Variants in SYCP1 observed in about 807,000 individuals in gnomAD.
SYCP1 encodes the protein synaptonemal complex protein 1.
In SYCP1, 64 loss-of-function variants were observed where a neutral mutation model predicts 153.1. That is an observed-to-expected ratio of 0.42 (90% CI 0.34 to 0.51). SYCP1 has a LOEUF of 0.51. Among genes scored for constraint, SYCP1 ranks in the 20% least tolerant of loss-of-function variants. SYCP1 has a pLI of 0.06. For synonymous variants in SYCP1, 384 were observed against 341.8 expected (o/e 1.12, Z -1.36); for missense variants, 997 against 1,049.0 (o/e 0.95, Z 0.68).
Position 114,856,608 on chromosome 1 carries a change from T to A in SYCP1, c.144T>A (p.Phe48Leu), listed in dbSNP as rs1663956646. Residue 48 changes from phenylalanine to leucine, a missense_variant, in exon 3 of 32, where the codon TTT (phenylalanine) becomes TTA (leucine). Physicochemically the swap from Phe to Leu is conservative, Grantham distance 22 (BLOSUM62 0). Transcript: ENST00000369522. ...AATGTACTGAAGATGATTTTGAGTT[T>A]CCATTTGCAAAGACTAATCTCTCCA... Reference protein sequence around the residue: ...FNKCTEDDFEFPFAKTNLSKN... With the variant: ...FNKCTEDDFELPFAKTNLSKN... 9.9e-6 allele frequency: 16 copies of A among 1,612,066 alleles called. No homozygotes were observed. Among genetic ancestry groups the A allele is most frequent in the Non-Finnish European group, 1.2e-5 (14 of 1,179,258 alleles).
intron 23 of SYCP1, among the ~76,000 whole-genome samples, chr1:114,932,585 A>G (rs561658222): frequency 6.6e-6 from 1 of 152,306 alleles, no homozygotes; most frequent in Non-Finnish European, 1.5e-5. Flanking sequence ...ACAGAGCGTG[A>G]GCTGAAGCAG....
intron 23 of SYCP1, 117 bp from the exon 24 acceptor site, chr1:114,944,222 C>A: frequency 1.6e-6 from 1 of 606,480 alleles, no homozygotes; most frequent in Non-Finnish European, 2.9e-6. Flanking sequence ...GTGATCCAAC[C>A]TAATTTCCAT....
At chr1:114,895,226 A>G (rs905386565) in intron 15 of SYCP1, among the ~76,000 whole-genome samples, 1 of 152,048 alleles carries the variant, frequency 6.6e-6, no homozygotes, top group African/African-American at 2.4e-5. Context: ...ACTTTGGGTT[A>G]TTTGGCAATG....
At chr1:114,938,856 G>A (rs1570812460) in intron 23 of SYCP1, among the ~76,000 whole-genome samples, 1 of 151,990 alleles carries the variant, frequency 6.6e-6, no homozygotes. Context: ...AAAATCTCAT[G>A]AGATATTACC....
intron 11 of SYCP1, among the ~76,000 whole-genome samples, chr1:114,877,084 T>C (rs1368758322): frequency 2.6e-5 from 4 of 152,148 alleles, no homozygotes; most frequent in Admixed American, 2.6e-4. Flanking sequence ...ATATATTATT[T>C]TGTGAGAACT....
At chr1:114,911,686 A>T in intron 18 of SYCP1, 104 bp downstream of exon 18, 1 of 490,510 alleles carries the variant, frequency 2.0e-6, no homozygotes, top group Non-Finnish European at 3.0e-6. Flanking sequence ...ATTTGAATGG[A>T]TTTGAAATTG....
intron 27 of SYCP1, among the ~76,000 whole-genome samples, chr1:114,976,485 G>C (rs905320608): frequency 3.3e-5 from 5 of 151,770 alleles, no homozygotes; most frequent in African/African-American, 1.2e-4. Context: ...TATTAGAAGA[G>C]ACTTTACCAA....
At chr1:114,864,921 G>A (rs1227246686) in intron 8 of SYCP1, among the ~76,000 whole-genome samples, 1 of 151,942 alleles carries the variant, frequency 6.6e-6, no homozygotes, top group Non-Finnish European at 1.5e-5. Flanking sequence ...GTGCAGGTTA[G>A]TTACATATGT....
At chr1:114,914,103 T>C (rs943118520) in intron 20 of SYCP1, 58 bp downstream of exon 20, 1 of 1,317,964 alleles carries the variant, frequency 7.6e-7, no homozygotes, top group Non-Finnish European at 1.0e-6. Context: ...ATTTCTTTTC[T>C]ATTAACTTGT....
intron 27 of SYCP1, among the ~76,000 whole-genome samples, chr1:114,973,433 A>T (rs558443795): frequency 1.6e-4 from 25 of 152,056 alleles, no homozygotes; most frequent in African/African-American, 6.0e-4. Context: ...TGGATTGCCT[A>T]TTTATGTCCT....
chr1:114,907,566 A>G (rs927182907), intron 16 of SYCP1, among the ~76,000 whole-genome samples: 5 of 148,190 alleles, frequency 3.4e-5, no homozygotes, highest in African/African-American at 5.0e-5. Flanking sequence ...GTACCACTTC[A>G]TGTTAAATGT....
chr1:114,936,487 A>T (rs1308524641), intron 23 of SYCP1, among the ~76,000 whole-genome samples: 6 of 152,114 alleles, frequency 3.9e-5, no homozygotes, highest in African/African-American at 4.8e-5. Flanking sequence ...CTTTGAAAAC[A>T]GGCACAAGAC....
chr1:114,887,068 C>G (rs1349146599), intron 14 of SYCP1, among the ~76,000 whole-genome samples: 1 of 152,060 alleles, frequency 6.6e-6, no homozygotes, highest in Non-Finnish European at 1.5e-5. Flanking sequence ...TAGTTTTTCT[C>G]TGTTGCTTGT....
chr1:114,992,166 A>T (rs1398004594), intron 30 of SYCP1, among the ~76,000 whole-genome samples: 1 of 151,762 alleles, frequency 6.6e-6, no homozygotes, highest in South Asian at 2.1e-4. Flanking sequence ...ACCTAAATAA[A>T]TGGAAAGACA....
intron 23 of SYCP1, among the ~76,000 whole-genome samples, chr1:114,932,120 T>C (rs1395208113): frequency 6.6e-6 from 1 of 152,098 alleles, no homozygotes; most frequent in Non-Finnish European, 1.5e-5. Context: ...GAAGAAAACG[T>C]AGGAGGGTAC....
At chr1:114,946,677 A>G (rs1262984791) in intron 26 of SYCP1, among the ~76,000 whole-genome samples, 1 of 152,034 alleles carries the variant, frequency 6.6e-6, no homozygotes, top group Non-Finnish European at 1.5e-5. Context: ...ACGAGGAGAG[A>G]TATACTTTGT....
chr1:114,855,685 C>A, intron 2 of SYCP1, 113 bp downstream of exon 2: 1 of 806,132 alleles, frequency 1.2e-6, no homozygotes, highest in Non-Finnish European at 1.9e-6. Context: ...TAAATGGTCT[C>A]ATTTACCCAA....
chr1:114,974,743 A>G (rs1305750168), intron 27 of SYCP1, among the ~76,000 whole-genome samples: 2 of 151,798 alleles, frequency 1.3e-5, no homozygotes, highest in Non-Finnish European at 3.0e-5. Flanking sequence ...TTTGATGGAC[A>G]TTTGAGTTGC....
At chr1:114,939,599 G>T (rs989964504) in intron 23 of SYCP1, among the ~76,000 whole-genome samples, 6 of 152,132 alleles carry the variant, frequency 3.9e-5, no homozygotes, top group African/African-American at 1.4e-4. Flanking sequence ...ACCAATTTAT[G>T]GAGACAGAAA....
Sources: allele counts gnomAD v4.1 joint callset (sites outside exome capture counted in the v4.1 genomes callset), GRCh38; gene constraint gnomAD v4.1.1; transcripts MANE v1.5; gene names NCBI Gene and HGNC (gene_info 2026-07-23, HGNC 2026-07-21).